The following PC variants were observed in gnomAD, a reference collection of about 807,000 sequenced individuals.
PC encodes pyruvate carboxylase, mitochondrial.
In PC, 46 loss-of-function variants were observed where a neutral mutation model predicts 107.8. The observed-to-expected ratio is 0.43, with a 90% CI of 0.34 to 0.55. PC has a LOEUF of 0.55. Among genes scored for constraint, PC ranks in the 20% least tolerant of loss-of-function variants. The probability of loss-of-function intolerance (pLI) is 0.04; values close to 1 mark genes in which losing one functional copy is unlikely to be tolerated. For missense variants in PC, 1,241 were observed against 1,643.1 expected, an observed-to-expected ratio of 0.76 and a Z score of 4.23; for synonymous variants, 662 against 684.7, an observed-to-expected ratio of 0.97 and a Z score of 0.52.
intron 3 of PC, among the ~76,000 whole-genome samples, chr11:66,882,325 C>T (rs893101114): frequency 6.6e-6 from 1 of 152,334 alleles, no homozygotes; most frequent in East Asian, 1.9e-4. Context: ...TGAGGCCCCA[C>T]ATCGCTTCGT....
chr11:66,879,813 G>C (rs1212802506), intron 3 of PC, among the ~76,000 whole-genome samples: 1 of 152,206 alleles, frequency 6.6e-6, no homozygotes, highest in African/African-American at 2.4e-5. Flanking sequence ...GGGAGGGCAG[G>C]TTTCTGTGAT....
intron 12 of PC, chr11:66,856,828 C>G (rs1158307473): frequency 6.6e-6 from 1 of 150,608 alleles, no homozygotes; most frequent in Non-Finnish European, 1.5e-5. Flanking sequence ...GATGCCGGGG[C>G]GCCAGGATGG....
At chr11:66,954,085 T>C (rs1401154735) in intron 2 of PC, among the ~76,000 whole-genome samples, 164 bp downstream of exon 2, 1 of 152,146 alleles carries the variant, frequency 6.6e-6, no homozygotes, top group Non-Finnish European at 1.5e-5. Context: ...CTTAATAAAG[T>C]CCTGTGTCTC....
chr11:66,860,380 C>A, intron 12 of PC: 1 of 867,388 alleles, frequency 1.2e-6, no homozygotes, highest in Non-Finnish European at 1.9e-6. Context: ...AAGGGCAGGC[C>A]CCTCCAACAG....
chr11:66,918,913 A>G (rs1591281803), intron 3 of PC, among the ~76,000 whole-genome samples: 2 of 152,092 alleles, frequency 1.3e-5, no homozygotes, highest in Non-Finnish European at 2.9e-5. Flanking sequence ...GGAAGATTTC[A>G]TCTATCCAGA....
At chr11:66,889,009 G>T (rs144150507) in intron 3 of PC, among the ~76,000 whole-genome samples, 1 of 152,200 alleles carries the variant, frequency 6.6e-6, no homozygotes, top group Non-Finnish European at 1.5e-5. Context: ...AGGAGGCGGA[G>T]GTTGCTGTGA....
chr11:66,940,884 C>G (rs1949112555), intron 3 of PC, among the ~76,000 whole-genome samples: 1 of 151,752 alleles, frequency 6.6e-6, no homozygotes, highest in South Asian at 2.1e-4. Context: ...GTCAGGAGAT[C>G]GAGACCAGCC....
At chr11:66,953,855 C>CT (rs1949493248) in intron 2 of PC, among the ~76,000 whole-genome samples, 1 of 152,170 alleles carries the variant, frequency 6.6e-6, no homozygotes, top group South Asian at 2.1e-4. Context: ...TTTCACCTCT[C>CT]TGAGTTTCAC....
At chr11:66,851,552 C>G (rs969212429) in intron 16 of PC, among the ~76,000 whole-genome samples, 2 of 152,222 alleles carry the variant, frequency 1.3e-5, no homozygotes, top group African/African-American at 2.4e-5. Context: ...CACCGAGTGA[C>G]CCAGGCAAGT....
chr11:66,923,364 G>A (rs1481532219), intron 3 of PC, among the ~76,000 whole-genome samples: 2 of 137,364 alleles, frequency 1.5e-5, no homozygotes, highest in African/African-American at 5.4e-5. Flanking sequence ...CTGGGAGATA[G>A]AGCGAGACTC....
At chr11:66,854,551 C>T (rs1358564089) in intron 12 of PC, among the ~76,000 whole-genome samples, 3 of 152,162 alleles carry the variant, frequency 2.0e-5, no homozygotes, top group Non-Finnish European at 2.9e-5. Context: ...ATGACTTAAA[C>T]GGGGACATGC....
chr11:66,931,998 G>A (rs1948867595), intron 3 of PC, among the ~76,000 whole-genome samples: 1 of 143,312 alleles, frequency 7.0e-6, no homozygotes, highest in Non-Finnish European at 1.5e-5. Flanking sequence ...CAGCCTGGGC[G>A]ACAGAGCGAG....
chr11:66,871,839 T>C lies in PC; in HGVS notation c.169A>G (p.Thr57Ala), dbSNP rs148913798. ...GCTACGGTGCGGATGCCCAGCTCCG[T>C]GCAGGCCCGGAACACACGGATGGCA... ...EIAIRVFRAC[T>A]ELGIRTVAIY... is the part of the protein sequence containing the mutation. The change falls in exon 5 of 23, where the codon ACG becomes GCG. Residue 57 changes from threonine to alanine, a missense_variant. By Grantham distance (58) the Thr-to-Ala change is moderately conservative (BLOSUM62 0). This residue lies in a region of PC where 1,143 missense variants were observed against 1,551.9 expected (regional missense o/e 0.74). Coordinates refer to ENST00000393960, the MANE Select transcript of PC (RefSeq NM_001040716.2). The surrounding 1 kb of genome is among the most constrained non-coding windows in gnomAD (Gnocchi z 7.4). The C allele has an allele frequency of 2.3e-5, 37 of 1,608,850 alleles. No individual in the cohort carries two copies. The African/African-American group carries it at 3.9e-4, about 17-fold the overall frequency.
At position 66,849,873 on chromosome 11, in the gene PC, CAG is replaced by C. The variant is rs762374488; in HGVS notation, c.2899-16_2899-15del. 3 of 1,613,682 alleles carry C rather than the reference CAG, an allele frequency of 1.9e-6. No individual in the cohort carries two copies. The highest frequency in any genetic ancestry group is 2.5e-6 in the Non-Finnish European group (3 of 1,180,014). On this transcript the variant is annotated splice_polypyrimidine_tract_variant and intron_variant, in intron 20 of 22. Transcript: ENST00000393960. ...GTCCTTCAGTACCTGGGGAGCAAAG[CAG>C]AGGATCAGTCCCAAGTCCTGCATCC...
Position 66,858,618 on chromosome 11 carries a change from G to C in PC, c.1368+5156C>G, listed in dbSNP as rs760606629. ...TGCCCGCCACACGCAGCGCCTCTGG[G>C]TGCTGGAAGGCCAGCGGGCCACGCT... On this transcript the variant is annotated intron_variant, in intron 12 of 22. Coordinates refer to ENST00000393960, the MANE Select transcript of PC (RefSeq NM_001040716.2). The surrounding 1 kb of genome is among the most constrained non-coding windows in gnomAD (Gnocchi z 5.9). 2.0e-6 allele frequency: 3 copies of C among 1,536,334 alleles called. No homozygotes were observed. The East Asian group carries it at 7.3e-5, about 38-fold the overall frequency.
chr11:66,867,455 A>G (rs938758749), intron 10 of PC, among the ~76,000 whole-genome samples: 1 of 152,178 alleles, frequency 6.6e-6, no homozygotes, highest in Non-Finnish European at 1.5e-5. Flanking sequence ...TGGAACCTAC[A>G]CTGGCAGGAT....
chr11:66,879,094 G>A (rs1947089547), intron 3 of PC, among the ~76,000 whole-genome samples: 1 of 152,152 alleles, frequency 6.6e-6, no homozygotes, highest in Admixed American at 6.5e-5. Context: ...GATGAACAGA[G>A]GGCCAGGGAG....
intron 10 of PC, among the ~76,000 whole-genome samples, chr11:66,867,001 C>A (rs1056020604): frequency 1.3e-5 from 2 of 152,148 alleles, no homozygotes; most frequent in African/African-American, 2.4e-5. Context: ...AGCTTCCCCA[C>A]CTCTGCAGGG....
At chr11:66,927,606 T>G (rs1948748525) in intron 3 of PC, among the ~76,000 whole-genome samples, 1 of 151,294 alleles carries the variant, frequency 6.6e-6, no homozygotes, top group African/African-American at 2.4e-5. Flanking sequence ...GCCTGTAGTC[T>G]CAGCTACTAG....
Sources: gnomAD v4.1 joint callset for allele counts (sites outside exome capture counted in the v4.1 genomes callset) on GRCh38, gnomAD v4.1.1 for gene constraint, gnomAD v4.1.1 regional missense constraint, Gnocchi (gnomAD v3.1) non-coding constraint, MANE v1.5 for transcripts, NCBI Gene and HGNC (gene_info 2026-07-23, HGNC 2026-07-21) for gene names.